Variants in STXBP5L observed in about 807,000 individuals in gnomAD.
STXBP5L encodes syntaxin binding protein 5L, also known as syntaxin-binding protein 5-like.
STXBP5L carries 65 observed loss-of-function variants against 144.5 expected under a neutral mutation model. The ratio of observed to expected loss-of-function variants is 0.45; its 90% CI spans 0.37 to 0.55. STXBP5L has a LOEUF of 0.55. Among genes scored for constraint, STXBP5L ranks in the 20% least tolerant of loss-of-function variants. The pLI is 0.00. For missense variants in STXBP5L, 1,298 were observed against 1,405.5 expected (o/e 0.92, Z 1.22); for synonymous variants, 505 against 469.6 (o/e 1.08, Z -0.97).
chr3:121,367,412 C>T lies in STXBP5L; in HGVS notation c.2177-11304C>T, dbSNP rs929417329. ...GGACACTTTTGCCAGATATAGGACT[C>T]TTGGTTGAAATTTTTTTTCCTCTTA... is the stretch of plus-strand genomic sequence containing the variant. On this transcript the variant is annotated intron_variant, in intron 20 of 26. Coordinates refer to ENST00000471454, the MANE Select transcript of STXBP5L (RefSeq NM_001308330.2). Among the ~76,000 whole-genome samples the T allele has an allele frequency of 2.6e-5, 4 of 152,010 alleles. No individual in the cohort carries two copies. In the East Asian group the frequency reaches 5.8e-4, roughly 22 times the overall value.
intron 9 of STXBP5L, among the ~76,000 whole-genome samples, chr3:121,186,807 G>C (rs1296856021): frequency 1.3e-5 from 2 of 152,104 alleles, no homozygotes; most frequent in Non-Finnish European, 2.9e-5. Flanking sequence ...AAAGACACAT[G>C]AAAAAATGCT....
At chr3:121,319,132 AT>A (rs1414881560) in intron 20 of STXBP5L, among the ~76,000 whole-genome samples, 3 of 152,124 alleles carry the variant, frequency 2.0e-5, no homozygotes, top group African/African-American at 7.2e-5. Flanking sequence ...TGGTGGGAAT[AT>A]GACTGGTTGG....
At chr3:121,096,279 T>A (rs2043124052) in intron 5 of STXBP5L, among the ~76,000 whole-genome samples, 1 of 152,220 alleles carries the variant, frequency 6.6e-6, no homozygotes, top group South Asian at 2.1e-4. Flanking sequence ...GCTTCTTAGC[T>A]TGCTTGCATT....
chr3:121,014,228 G>C (rs1576663587), intron 3 of STXBP5L, among the ~76,000 whole-genome samples: 1 of 152,040 alleles, frequency 6.6e-6, no homozygotes, highest in East Asian at 1.9e-4. Context: ...GTTTTGAGCA[G>C]TATGGACATT....
intron 7 of STXBP5L, among the ~76,000 whole-genome samples, chr3:121,131,775 G>A (rs1002273244): frequency 4.6e-5 from 7 of 152,184 alleles, no homozygotes; most frequent in Admixed American, 3.9e-4. Flanking sequence ...CAGCAAAGTG[G>A]CAGAATAGGA....
rs539926291 is a variant in STXBP5L at position 121,367,613 on chromosome 3, T to G, written c.2177-11103T>G. On this transcript the variant is annotated intron_variant, in intron 20 of 26. Transcript: ENST00000471454. ...GACTCTTGTTTTTTTTTTTTTTTTTTTTTTTTTTTAAACAGGTTCTCACTT... is the reference window on the plus strand; with the variant it reads ...GACTCTTGTTTTTTTTTTTTTTTTTGTTTTTTTTTAAACAGGTTCTCACTT... Among the ~76,000 whole-genome samples the G allele has an allele frequency of 4.9e-3, 697 of 143,020 alleles. 3 individuals carry two copies. The highest frequency in any genetic ancestry group is 0.016 in the African/African-American group (626 of 38,346). 93.8% of individuals were successfully genotyped at this position (143,020 alleles called of 152,430 possible).
chr3:121,019,585 A>G (rs889991189), intron 3 of STXBP5L, among the ~76,000 whole-genome samples: 12 of 152,188 alleles, frequency 7.9e-5, no homozygotes, highest in Non-Finnish European at 1.5e-4. Flanking sequence ...ATAATGGATC[A>G]CATCACAGGA....
chr3:121,395,965 T>G (rs2046719963), intron 22 of STXBP5L, among the ~76,000 whole-genome samples: 1 of 152,224 alleles, frequency 6.6e-6, no homozygotes, highest in South Asian at 2.1e-4. Flanking sequence ...ATGAAAAAGT[T>G]TCAGGTGTCT....
intron 3 of STXBP5L, among the ~76,000 whole-genome samples, chr3:120,987,056 G>A (rs1236753117): frequency 2.0e-5 from 3 of 151,906 alleles, no homozygotes; most frequent in African/African-American, 7.2e-5. Context: ...CGAATTTGAT[G>A]AAAGAAATGA....
intron 25 of STXBP5L, among the ~76,000 whole-genome samples, chr3:121,416,730 C>A (rs2047248455): frequency 6.6e-6 from 1 of 151,794 alleles, no homozygotes; most frequent in African/African-American, 2.4e-5. Context: ...GTCTTGGACT[C>A]CTGACCTCAG....
intron 5 of STXBP5L, among the ~76,000 whole-genome samples, chr3:121,102,765 T>C (rs998126003): frequency 2.6e-5 from 4 of 151,888 alleles, no homozygotes; most frequent in African/African-American, 9.7e-5. Flanking sequence ...GAAACAGATA[T>C]ACTACAGAAT....
intron 3 of STXBP5L, among the ~76,000 whole-genome samples, chr3:120,962,341 A>G (rs1938943721): frequency 6.6e-6 from 1 of 152,042 alleles, no homozygotes; most frequent in African/African-American, 2.4e-5. Context: ...TTAGTCATGA[A>G]TTCCTTGCCC....
At chr3:121,045,782 G>A (rs1947479039) in intron 5 of STXBP5L, among the ~76,000 whole-genome samples, 1 of 152,102 alleles carries the variant, frequency 6.6e-6, no homozygotes, top group Non-Finnish European at 1.5e-5. Flanking sequence ...GGTTTTCTAT[G>A]TGTAGACTCA....
chr3:121,257,112 G>A (rs758567571), intron 16 of STXBP5L, 49 bp from the exon 17 acceptor site: 51 of 1,343,666 alleles, frequency 3.8e-5, no homozygotes, highest in South Asian at 1.2e-4. Context: ...AAATTAAAAC[G>A]ATGATTATTA....
At chr3:121,059,129 C>T (rs954130542) in intron 5 of STXBP5L, among the ~76,000 whole-genome samples, 4 of 152,150 alleles carry the variant, frequency 2.6e-5, no homozygotes, top group African/African-American at 9.7e-5. Context: ...GTCTTCAATC[C>T]ATCTTGAGTT....
chr3:121,214,632 T>A (rs1424880314), intron 10 of STXBP5L, among the ~76,000 whole-genome samples: 2 of 152,216 alleles, frequency 1.3e-5, no homozygotes, highest in Non-Finnish European at 2.9e-5. Context: ...AATTATGTCA[T>A]CAATTTTAGA....
At chr3:121,336,570 G>C (rs963255340) in intron 20 of STXBP5L, among the ~76,000 whole-genome samples, 28 of 152,016 alleles carry the variant, frequency 1.8e-4, no homozygotes, top group South Asian at 1.2e-3. Flanking sequence ...TCTCATACCA[G>C]TCAGAATGGC....
intron 20 of STXBP5L, among the ~76,000 whole-genome samples, chr3:121,350,640 T>C (rs888447743): frequency 6.6e-6 from 1 of 152,322 alleles, no homozygotes; most frequent in Admixed American, 6.5e-5. Context: ...CCATATTTCT[T>C]GGAGGCTTTG....
At chr3:121,004,720 G>A (rs994108196) in intron 3 of STXBP5L, among the ~76,000 whole-genome samples, 3 of 152,048 alleles carry the variant, frequency 2.0e-5, no homozygotes, top group Non-Finnish European at 4.4e-5. Context: ...TTTGAGATAC[G>A]TCCCATGAAT....
Sources: gnomAD v4.1 joint callset for allele counts (sites outside exome capture counted in the v4.1 genomes callset) on GRCh38, gnomAD v4.1.1 for gene constraint, MANE v1.5 for transcripts, NCBI Gene and HGNC (gene_info 2026-07-23, HGNC 2026-07-21) for gene names.